The following PCNX1 variants were observed in gnomAD, a reference collection of about 807,000 sequenced individuals.
PCNX1 encodes the protein pecanex 1.
In PCNX1, 78 loss-of-function variants were observed where a neutral mutation model predicts 242.2. The ratio of observed to expected loss-of-function variants is 0.32; its 90% CI spans 0.27 to 0.39. PCNX1 has a LOEUF of 0.39. Among genes scored for constraint, PCNX1 ranks in the 10% least tolerant of loss-of-function variants. PCNX1 has a pLI of 1.00. For missense variants in PCNX1, 2,581 were observed against 2,856.5 expected, an observed-to-expected ratio of 0.90 and a Z score of 2.20; for synonymous variants, 1,024 against 1,032.9, an observed-to-expected ratio of 0.99 and a Z score of 0.17.
intron 26 of PCNX1, among the ~76,000 whole-genome samples, chr14:71,061,572 A>G (rs1024708571): frequency 8.5e-5 from 13 of 152,274 alleles, no homozygotes; most frequent in African/African-American, 2.4e-4. Context: ...TACCCAGGCT[A>G]TTTCTGCAAC....
intron 26 of PCNX1, among the ~76,000 whole-genome samples, chr14:71,068,909 T>C (rs2061523303): frequency 5.3e-5 from 8 of 152,042 alleles, no homozygotes; most frequent in Admixed American, 5.2e-4. Context: ...AAGCAGAAAC[T>C]AGCAGTCCTT....
chr14:70,991,881 A>T (rs934343808), intron 7 of PCNX1, among the ~76,000 whole-genome samples: 3 of 152,174 alleles, frequency 2.0e-5, no homozygotes, highest in Non-Finnish European at 4.4e-5. Flanking sequence ...TGCTATATAA[A>T]TACTAGTAAA....
At position 71,013,150 on chromosome 14, in the gene PCNX1, C is replaced by CGCTG; in HGVS notation, c.2944_2945insGCTG (p.Leu982ArgfsTer7). 1 of 1,614,156 alleles carries CGCTG rather than the reference C, an allele frequency of 6.2e-7. No individual in the cohort carries two copies. The highest frequency in any genetic ancestry group is 8.5e-7 in the Non-Finnish European group (1 of 1,180,018). ...TTATCGCTTTTGGATCCTACCCCAG[C>CGCTG]TGTGGATTGGCATTAACTTTGACAG... On this transcript the variant is annotated frameshift_variant, in exon 11 of 36. Transcript: ENST00000304743. LOFTEE classifies it high-confidence loss of function.
At chr14:70,989,219 G>A (rs1324382545) in intron 7 of PCNX1, among the ~76,000 whole-genome samples, 2 of 151,630 alleles carry the variant, frequency 1.3e-5, no homozygotes, top group Admixed American at 6.6e-5. Flanking sequence ...ATCAGGATCT[G>A]GTAAATGACA....
At chr14:70,964,860 G>A (rs184821266) in intron 3 of PCNX1, among the ~76,000 whole-genome samples, 1 of 152,180 alleles carries the variant, frequency 6.6e-6, no homozygotes, top group Admixed American at 6.5e-5. Flanking sequence ...GGATTTTAGT[G>A]TTTTCGTTTT....
intron 1 of PCNX1, among the ~76,000 whole-genome samples, chr14:70,914,727 C>A (rs1594880613): frequency 1.3e-5 from 2 of 152,136 alleles, no homozygotes; most frequent in East Asian, 3.8e-4. Flanking sequence ...ATCTGTCCAC[C>A]CTTTTTTAGG....
chr14:70,965,597 A>C (rs1045591393), intron 3 of PCNX1, among the ~76,000 whole-genome samples: 2 of 133,104 alleles, frequency 1.5e-5, no homozygotes, highest in Non-Finnish European at 3.1e-5. Context: ...CGGGAGGTGG[A>C]GGTTGCAGTG....
chr14:70,949,247 G>T (rs1031756597), intron 2 of PCNX1, among the ~76,000 whole-genome samples: 15 of 94,086 alleles, frequency 1.6e-4, no homozygotes, highest in Non-Finnish European at 2.8e-4. Flanking sequence ...ATATACACAC[G>T]TGTATACACA....
At chr14:70,993,038 C>T (rs1196605096) in intron 7 of PCNX1, among the ~76,000 whole-genome samples, 1 of 151,486 alleles carries the variant, frequency 6.6e-6, no homozygotes, top group Non-Finnish European at 1.5e-5. Context: ...AGATATTAGG[C>T]CTAAGTTTGA....
At chr14:70,965,926 C>T (rs2058365083) in intron 3 of PCNX1, among the ~76,000 whole-genome samples, 1 of 152,136 alleles carries the variant, frequency 6.6e-6, no homozygotes, top group Non-Finnish European at 1.5e-5. Flanking sequence ...AAATAAAAAA[C>T]TTCACCCTCA....
intron 33 of PCNX1, 82 bp downstream of exon 33, chr14:71,105,522 C>A: frequency 2.0e-6 from 2 of 1,016,108 alleles, no homozygotes; most frequent in Non-Finnish European, 2.9e-6. Flanking sequence ...AAGAGGATTA[C>A]ATGTGGTCCA....
intron 21 of PCNX1, 127 bp downstream of exon 21, chr14:71,047,232 G>A (rs1263801195): frequency 1.9e-5 from 10 of 521,142 alleles, no homozygotes; most frequent in African/African-American, 1.6e-4. Flanking sequence ...AAAAATTTAG[G>A]TGACATTTTG....
At chr14:71,011,821 CTG>C (rs2059828932) in intron 10 of PCNX1, 1 of 361,006 alleles carries the variant, frequency 2.8e-6, no homozygotes, top group Admixed American at 4.5e-5. Context: ...ATAGAAATGG[CTG>C]TGTTATATAT....
chr14:71,104,623 GCA>G (rs754991877), intron 32 of PCNX1, among the ~76,000 whole-genome samples: 11 of 152,112 alleles, frequency 7.2e-5, no homozygotes, highest in Non-Finnish European at 1.5e-4. Flanking sequence ...ACAGACATTG[GCA>G]CTGGTAAGAA....
chr14:71,065,877 TCCC>T (rs1263001209), intron 26 of PCNX1, among the ~76,000 whole-genome samples: 3 of 152,196 alleles, frequency 2.0e-5, no homozygotes, highest in Non-Finnish European at 4.4e-5. Flanking sequence ...GGGAGTCCTT[TCCC>T]CATTGCTTGT....
chr14:71,020,484 G>C (rs2060071658), intron 12 of PCNX1, among the ~76,000 whole-genome samples: 1 of 152,202 alleles, frequency 6.6e-6, no homozygotes, highest in Non-Finnish European at 1.5e-5. Context: ...TAACTGGCTT[G>C]AGATGGTATC....
chr14:71,009,604 G>T (rs960196493), intron 8 of PCNX1, 30 bp from the exon 9 acceptor site: 1 of 1,313,246 alleles, frequency 7.6e-7, no homozygotes, highest in Admixed American at 1.9e-5. Flanking sequence ...GTATTCTAAT[G>T]GCTTTTTAAA....
chr14:71,073,653 A>C lies in PCNX1; in HGVS notation c.4961A>C (p.Asn1654Thr). ...PGHIPHMLSF[N>T]AAFSQRWLAW... is the part of the protein sequence containing the mutation. ...CATATTCCTCACATGCTTTCATTTA[A>C]TGCTGCATTTAGCCAGCGATGGCTA... is the stretch of plus-strand genomic sequence containing the variant. Residue 1654 changes from asparagine to threonine, a missense_variant, in exon 27 of 36, where the codon AAT becomes ACT. Physicochemically the swap from Asn to Thr is moderately conservative, Grantham distance 65 (BLOSUM62 0). This residue lies in a region of PCNX1 where 298 missense variants were observed against 480.1 expected (regional missense o/e 0.62). Transcript: ENST00000304743. The C allele has an allele frequency of 6.2e-7, 1 of 1,614,052 alleles. No individual in the cohort carries two copies. Among genetic ancestry groups the C allele is most frequent in the Non-Finnish European group, 8.5e-7 (1 of 1,179,972 alleles).
At chr14:71,080,331 G>C (rs2061822850) in intron 28 of PCNX1, among the ~76,000 whole-genome samples, 1 of 152,102 alleles carries the variant, frequency 6.6e-6, no homozygotes, top group African/African-American at 2.4e-5. Context: ...TATTCTTTTT[G>C]CTTAGGATTG....
Sources: allele counts gnomAD v4.1 joint callset (sites outside exome capture counted in the v4.1 genomes callset), GRCh38; gene constraint gnomAD v4.1.1; regional missense constraint gnomAD v4.1.1; transcripts MANE v1.5; gene names NCBI Gene and HGNC (gene_info 2026-07-23, HGNC 2026-07-21).